YME1L1: variants seen among roughly 807,000 people sequenced by gnomAD.
The protein encoded by YME1L1 is ATP-dependent zinc metalloprotease YME1L1.
Under a neutral mutation model 90.4 loss-of-function variants are expected in YME1L1, and 39 were observed. The observed-to-expected ratio is 0.43, with a 90% CI of 0.33 to 0.56. The LOEUF (loss-of-function observed/expected upper bound fraction) is 0.56. Ranked by LOEUF, YME1L1 falls within the 20% of genes least tolerant of loss-of-function variation. YME1L1 has a pLI of 0.03. For synonymous variants in YME1L1, 284 were observed against 287.3 expected, an observed-to-expected ratio of 0.99 and a Z score of 0.12; for missense variants, 617 against 868.4, an observed-to-expected ratio of 0.71 and a Z score of 3.64.
intron 3 of YME1L1, among the ~76,000 whole-genome samples, chr10:27,143,932 CTT>C (rs894373334): frequency 6.6e-6 from 1 of 152,154 alleles, no homozygotes; most frequent in African/African-American, 2.4e-5. Context: ...AACTGCTTCT[CTT>C]GACTAGTGTG....
chr10:27,142,589 TGA>T (rs2057100452), intron 3 of YME1L1, 104 bp from the exon 4 acceptor site: 2 of 490,738 alleles, frequency 4.1e-6, no homozygotes, highest in Non-Finnish European at 7.0e-6. Context: ...AATCACAATA[TGA>T]GTTTCAACTT....
rs1455291967 is a variant in YME1L1, at chr10:27,136,393, AAAC to A, written c.431-11_431-9del. 3.1e-6 allele frequency: 5 copies of A among 1,597,290 alleles called. No individual in the cohort carries two copies. The highest frequency in any genetic ancestry group is 4.3e-6 in the Non-Finnish European group (5 of 1,167,594). On this transcript the variant is annotated splice_polypyrimidine_tract_variant and intron_variant, in intron 4 of 18. Transcript: ENST00000376016. Reference sequence around the variant, plus strand: ...CCCGAGACTGTATGAAAACTAAATAAAACAATACCATTCACTGTCACTATAAAT... The same window carrying A: ...CCCGAGACTGTATGAAAACTAAATAAAATACCATTCACTGTCACTATAAAT...
rs2057155114 is a variant in YME1L1, at chr10:27,147,374, C to G, written c.168+1532G>C. ...AAAACAAACAAACAAAGAAACTAGA[C>G]TGGATGAGAGAGAAGGCTGATGGAA... is the stretch of plus-strand genomic sequence containing the variant. On this transcript the variant is annotated intron_variant, in intron 2 of 18. Transcript: ENST00000376016. 3.3e-5 allele frequency: 50 copies of G among 1,534,520 alleles called. No individual in the cohort carries two copies. The South Asian group carries it at 5.4e-4, about 17-fold the overall frequency.
chr10:27,120,284 G>A (rs2135849169), intron 13 of YME1L1, 151 bp downstream of exon 13: 1 of 583,354 alleles, frequency 1.7e-6, no homozygotes, highest in Non-Finnish European at 3.0e-6. Context: ...ACTAAGGAAT[G>A]GACTTTTAAA....
At chr10:27,116,406 C>A in intron 15 of YME1L1, 61 bp from the exon 16 acceptor site, 1 of 1,571,272 alleles carries the variant, frequency 6.4e-7, no homozygotes, top group East Asian at 2.3e-5. Context: ...CGGTGGCTCA[C>A]GCCTGAATCC....
At chr10:27,137,655 C>T (rs1307858390) in intron 4 of YME1L1, among the ~76,000 whole-genome samples, 2 of 152,122 alleles carry the variant, frequency 1.3e-5, no homozygotes. Flanking sequence ...GCAAAAATAA[C>T]AGTACCTTGT....
chr10:27,134,495 A>G (rs1469877892), intron 6 of YME1L1, among the ~76,000 whole-genome samples: 1 of 152,228 alleles, frequency 6.6e-6, no homozygotes, highest in African/African-American at 2.4e-5. Context: ...GGATCACTTG[A>G]GCCCAGAAAG....
At chr10:27,133,137 G>A (rs1346068380) in intron 7 of YME1L1, among the ~76,000 whole-genome samples, 1 of 152,182 alleles carries the variant, frequency 6.6e-6, no homozygotes, top group Non-Finnish European at 1.5e-5. Context: ...ATAAAAAATT[G>A]AGGCTTAACA....
chr10:27,120,208 C>CTGAA (rs1254941901), intron 13 of YME1L1, among the ~76,000 whole-genome samples: 1 of 151,806 alleles, frequency 6.6e-6, no homozygotes, highest in Non-Finnish European at 1.5e-5. Context: ...TATTATCTGT[C>CTGAA]TGAATACTCT....
In YME1L1 at chr10:27,113,219, CAAAAAAAAAA is replaced by C. The variant is rs869122796; in HGVS notation, c.2008-1109_2008-1100del. ...TGGGTGACAGGGCAAGATGCTGTCT[CAAAAAAAAAA>C]AAAAAAAAAAAAAAAAAAAAAAAAA... On this transcript the variant is annotated intron_variant, in intron 18 of 18. Coordinates refer to ENST00000376016, the MANE Select transcript of YME1L1 (RefSeq NM_014263.4). 7.8e-3 allele frequency among the ~76,000 whole-genome samples: 338 copies of C among 43,108 alleles called. 14 individuals are homozygous for C. The highest frequency in any genetic ancestry group is 0.026 in the African/African-American group (316 of 12,034). The allele number at this position is 43,108 out of a possible 152,430, so 28.3% of individuals were successfully genotyped here.
chr10:27,149,793 G>C (rs1415774582), intron 1 of YME1L1, among the ~76,000 whole-genome samples: 2 of 145,994 alleles, frequency 1.4e-5, no homozygotes, highest in Admixed American at 1.4e-4. Context: ...ATAGTAAGTA[G>C]GCCGGGAATG....
rs1416889914 is a variant in YME1L1, at chr10:27,123,641, C to T, written c.1008G>A (p.Ala336=). Residue 336 remains alanine (A), a synonymous_variant, in exon 10 of 19, where the codon GCG becomes GCA. Transcript: ENST00000376016. ...AATAAAAAGGAACATCAGCTTCTCC[C>T]GCCACAGCTCGGGCAAGAAGTGTCT... ...TGKTLLARAV[A]GEADVPFYYA... is the part of the protein sequence containing the mutation. 9 of 1,613,808 alleles carry T rather than the reference C, an allele frequency of 5.6e-6. No homozygotes were observed. Among genetic ancestry groups the T allele is most frequent in the Admixed American group, 5.0e-5 (3 of 59,986 alleles).
intron 2 of YME1L1, chr10:27,147,611 T>C (rs765444268): frequency 6.4e-7 from 1 of 1,561,274 alleles, no homozygotes; most frequent in South Asian, 1.2e-5. Context: ...CCTTCGAATA[T>C]TTTTCCTTTG....
At chr10:27,117,822 T>C (rs749894912) in intron 14 of YME1L1, 95 bp from the exon 15 acceptor site, 14 of 1,272,702 alleles carry the variant, frequency 1.1e-5, no homozygotes, top group South Asian at 5.6e-5. Context: ...CACTCCACCC[T>C]TCCTATCAGC....
rs770768681 is a variant in YME1L1 at position 27,123,024 on chromosome 10, G to A, written c.1103-51C>T. The A allele has an allele frequency of 2.5e-6, 4 of 1,573,848 alleles. No homozygotes were observed. The South Asian group carries it at 4.7e-5, about 18-fold the overall frequency. ...AAGCTGAAAGAAAGTCAACACTTTT[G>A]AACAAAACGAGATAAATATTAAAAT... On this transcript the variant is annotated intron_variant, in intron 10 of 18. Coordinates refer to ENST00000376016, the MANE Select transcript of YME1L1 (RefSeq NM_014263.4).
intron 4 of YME1L1, among the ~76,000 whole-genome samples, chr10:27,141,555 T>C (rs1373279248): frequency 1.3e-5 from 2 of 152,004 alleles, no homozygotes; most frequent in East Asian, 3.9e-4. Context: ...TTTCTTTCCT[T>C]GGCATCAATG....
At position 27,134,991 on chromosome 10, in the gene YME1L1, C is replaced by G; in HGVS notation, c.541-10G>C. On this transcript the variant is annotated splice_polypyrimidine_tract_variant and intron_variant, in intron 5 of 18. Transcript: ENST00000376016. ...CCCGCAAAAGAAACCCCTGAATACA[C>G]AAACAACACATCAGTACTGGTTAAC... The G allele has an allele frequency of 6.2e-7, 1 of 1,611,622 alleles. No individual in the cohort carries two copies.
chr10:27,135,889 A>C (rs1430038129), intron 5 of YME1L1, among the ~76,000 whole-genome samples: 1 of 152,242 alleles, frequency 6.6e-6, no homozygotes, highest in African/African-American at 2.4e-5. Flanking sequence ...AAATAGTTAT[A>C]GCCTATCTAT....
At chr10:27,137,496 G>C (rs1051159295) in intron 4 of YME1L1, among the ~76,000 whole-genome samples, 8 of 152,134 alleles carry the variant, frequency 5.3e-5, no homozygotes, top group African/African-American at 1.9e-4. Context: ...CACTGTTAAG[G>C]TTTAAATTTT....
Sources: allele counts gnomAD v4.1 joint callset (sites outside exome capture counted in the v4.1 genomes callset), GRCh38; gene constraint gnomAD v4.1.1; transcripts MANE v1.5; gene names NCBI Gene and HGNC (gene_info 2026-07-23, HGNC 2026-07-21).